ARHGAP20: variants seen among roughly 807,000 people sequenced by gnomAD.
ARHGAP20 encodes rho GTPase-activating protein 20.
ARHGAP20 carries 34 observed loss-of-function variants against 73.7 expected under a neutral mutation model. The ratio of observed to expected loss-of-function variants is 0.46; its 90% CI spans 0.35 to 0.61. The LOEUF (loss-of-function observed/expected upper bound fraction) is 0.61, where lower values mean the gene tolerates loss of function less well. Ranked by LOEUF, ARHGAP20 falls within the 20% of genes least tolerant of loss-of-function variation. ARHGAP20 has a pLI of 0.00. For missense variants in ARHGAP20, 1,314 were observed against 1,420.9 expected, an observed-to-expected ratio of 0.92 and a Z score of 1.21; for synonymous variants, 523 against 518.2, an observed-to-expected ratio of 1.01 and a Z score of -0.13.
intron 2 of ARHGAP20, among the ~76,000 whole-genome samples, chr11:110,659,904 T>TGG: frequency 9.0e-6 from 1 of 111,142 alleles, no homozygotes; most frequent in East Asian, 2.7e-4. Flanking sequence ...AGGACTGTTG[T>TGG]GGGGTGGGGG....
chr11:110,681,523 TATGA>T (rs1238150851), intron 2 of ARHGAP20, among the ~76,000 whole-genome samples: 1 of 152,146 alleles, frequency 6.6e-6, no homozygotes, highest in Non-Finnish European at 1.5e-5. Context: ...TTCATTCTGT[TATGA>T]AAGAAGATTT....
chr11:110,589,161 C>T lies in ARHGAP20; in HGVS notation c.1305+1487G>A, dbSNP rs1382356182. Among the ~76,000 whole-genome samples the T allele has an allele frequency of 2.6e-5, 4 of 152,042 alleles. No homozygotes were observed. The East Asian group carries it at 7.7e-4, about 29-fold the overall frequency. ...GGAAAATTTATCATGCATAAAAAAC[C>T]TTGGCATATATATCTGGCTACATAT... is the stretch of plus-strand genomic sequence containing the variant. On this transcript the variant is annotated intron_variant, in intron 11 of 14. Transcript: ENST00000683387.
chr11:110,659,637 T>G (rs903925521), intron 2 of ARHGAP20, among the ~76,000 whole-genome samples: 8 of 152,178 alleles, frequency 5.3e-5, no homozygotes, highest in Admixed American at 4.6e-4. Context: ...TCCTTGCCCA[T>G]GCCTATGTCC....
chr11:110,626,728 C>A (rs1307967501), intron 3 of ARHGAP20, among the ~76,000 whole-genome samples: 2 of 151,302 alleles, frequency 1.3e-5, no homozygotes, highest in Admixed American at 6.6e-5. Flanking sequence ...GCTTTTCAAT[C>A]TTTGGCTTTT....
chr11:110,630,842 G>A, intron 2 of ARHGAP20, 50 bp from the exon 3 acceptor site: 1 of 1,551,840 alleles, frequency 6.4e-7, no homozygotes, highest in Non-Finnish European at 8.7e-7. Flanking sequence ...TCTTATAGTT[G>A]GTCAAGAACT....
At chr11:110,690,685 T>C in intron 1 of ARHGAP20, 56 bp from the exon 2 acceptor site, 1 of 1,538,630 alleles carries the variant, frequency 6.5e-7, no homozygotes, top group Non-Finnish European at 9.0e-7. Flanking sequence ...CAAGACAATG[T>C]TGATTTTTTT....
intron 2 of ARHGAP20, among the ~76,000 whole-genome samples, chr11:110,645,247 C>G (rs893700814): frequency 6.6e-6 from 1 of 152,036 alleles, no homozygotes; most frequent in Admixed American, 6.6e-5. Context: ...TGCATCAAGT[C>G]ATCTGCCCGC....
At chr11:110,625,062 G>C (rs1030694149) in intron 3 of ARHGAP20, among the ~76,000 whole-genome samples, 3 of 138,636 alleles carry the variant, frequency 2.2e-5, no homozygotes, top group Non-Finnish European at 4.6e-5. Flanking sequence ...ACGGAGTCTC[G>C]CTCTGTCGCC....
intron 1 of ARHGAP20, among the ~76,000 whole-genome samples, chr11:110,694,585 C>G (rs2135126017): frequency 6.6e-6 from 1 of 151,794 alleles, no homozygotes; most frequent in East Asian, 1.9e-4. Flanking sequence ...TGCTTTCTAC[C>G]TTCAAGTCAT....
At chr11:110,698,530 T>C (rs1012837526) in intron 1 of ARHGAP20, among the ~76,000 whole-genome samples, 1 of 151,902 alleles carries the variant, frequency 6.6e-6, no homozygotes, top group African/African-American at 2.4e-5. Flanking sequence ...AATTCAACTG[T>C]GAATCTGTCT....
At chr11:110,675,723 T>C (rs1949916783) in intron 2 of ARHGAP20, among the ~76,000 whole-genome samples, 1 of 152,094 alleles carries the variant, frequency 6.6e-6, no homozygotes, top group African/African-American at 2.4e-5. Flanking sequence ...CCAATACCAG[T>C]CTGTGGCCCG....
At chr11:110,674,184 T>C (rs1437719348) in intron 2 of ARHGAP20, among the ~76,000 whole-genome samples, 1 of 152,166 alleles carries the variant, frequency 6.6e-6, no homozygotes, top group Non-Finnish European at 1.5e-5. Flanking sequence ...TCCACCTGCC[T>C]CAGCCTCCCA....
At position 110,611,317 on chromosome 11, in the gene ARHGAP20, C is replaced by A. The variant is rs1374998958; in HGVS notation, c.700G>T (p.Gly234Trp). The change falls in exon 7 of 15, where the codon GGG becomes TGG. Residue 234 changes from glycine (G) to tryptophan (W), a missense_variant. Physicochemically the swap from Gly to Trp is radical, Grantham distance 184. This residue lies in a region of ARHGAP20 where 443 missense variants were observed against 466.4 expected (regional missense o/e 0.95). Transcript: ENST00000683387. ...EVINMSLPML[G>W]ITGSERDYQL... Reference sequence around the variant, plus strand: ...CTAGCAGAATAACTTACAGTTATCCCTAGCATTGGTAATGACATGTTGATA... The same window carrying A: ...CTAGCAGAATAACTTACAGTTATCCATAGCATTGGTAATGACATGTTGATA... The A allele has an allele frequency of 6.4e-7, 1 of 1,554,706 alleles. No individual in the cohort carries two copies.
At chr11:110,703,984 CTAAT>C (rs1012727457) in intron 1 of ARHGAP20, among the ~76,000 whole-genome samples, 1 of 152,162 alleles carries the variant, frequency 6.6e-6, no homozygotes, top group African/African-American at 2.4e-5. Context: ...GGCCAAGAGG[CTAAT>C]TGTCAGACAC....
chr11:110,597,056 C>T (rs4938319), intron 9 of ARHGAP20, among the ~76,000 whole-genome samples: 27,513 of 149,400 alleles, frequency 0.18, 2,805 homozygotes, highest in East Asian at 0.31. Flanking sequence ...AATCAAACAC[C>T]GCATGTTCTC....
chr11:110,634,998 G>A (rs326949), intron 2 of ARHGAP20, among the ~76,000 whole-genome samples: 77,985 of 151,562 alleles, frequency 0.51, 21,888 homozygotes, highest in African/African-American at 0.76. Context: ...AGTATTTCTC[G>A]GGGTCTCCAT....
intron 8 of ARHGAP20, among the ~76,000 whole-genome samples, 153 bp from the exon 9 acceptor site, chr11:110,606,902 T>C (rs751195515): frequency 1.3e-5 from 2 of 152,080 alleles, no homozygotes; most frequent in Non-Finnish European, 2.9e-5. Flanking sequence ...CTCTTACAGT[T>C]GGAGACCAGT....
chr11:110,589,655 G>C (rs1440592250), intron 11 of ARHGAP20: 2 of 985,292 alleles, frequency 2.0e-6, no homozygotes, highest in East Asian at 1.1e-4. Flanking sequence ...CAAAAATGTA[G>C]AGCATTTCCA....
At chr11:110,711,841 C>A (rs1452546046) in intron 1 of ARHGAP20, 1 of 1,313,722 alleles carries the variant, frequency 7.6e-7, no homozygotes, top group Non-Finnish European at 9.7e-7. Flanking sequence ...AGGAGCCGGG[C>A]TGCAGAACCG....
Sources: allele counts gnomAD v4.1 joint callset (sites outside exome capture counted in the v4.1 genomes callset), GRCh38; gene constraint gnomAD v4.1.1; regional missense constraint gnomAD v4.1.1; transcripts MANE v1.5; gene names NCBI Gene and HGNC (gene_info 2026-07-23, HGNC 2026-07-21).